ZPBP: variants seen among roughly 807,000 people sequenced by gnomAD.
ZPBP encodes the protein zona pellucida binding protein.
In ZPBP, 26 loss-of-function variants were observed where a neutral mutation model predicts 44.8. That is an observed-to-expected ratio of 0.58 (90% CI 0.43 to 0.81). The LOEUF is 0.81. ZPBP is among the 30% of genes least tolerant of loss of function. The pLI is 0.00. For synonymous variants in ZPBP, 174 were observed against 153.2 expected, an observed-to-expected ratio of 1.14 and a Z score of -1.00; for missense variants, 409 against 434.0, an observed-to-expected ratio of 0.94 and a Z score of 0.51.
rs369539970 is a variant in ZPBP, at chr7:49,985,734, C to A, written c.784-2215G>T. On this transcript the variant is annotated intron_variant, in intron 6 of 7. Transcript: ENST00000046087. Reference sequence around the variant, plus strand: ...AGATAAGGGAGGATCCCTGGAGAATCCCCAACCCGCCCCACAAGTGTTTAC... The same window carrying A: ...AGATAAGGGAGGATCCCTGGAGAATACCCAACCCGCCCCACAAGTGTTTAC... 3.3e-5 allele frequency among the ~76,000 whole-genome samples: 5 copies of A among 152,110 alleles called. No individual in the cohort carries two copies. In the East Asian group the frequency reaches 5.8e-4, roughly 18 times the overall value.
At chr7:50,070,201 C>T (rs1801764258) in intron 3 of ZPBP, among the ~76,000 whole-genome samples, 1 of 152,150 alleles carries the variant, frequency 6.6e-6, no homozygotes, top group Non-Finnish European at 1.5e-5. Context: ...TCCAGTGAAC[C>T]ACTTTCACTT....
downstream of ZPBP, chr7:49,935,705 C>T (rs1205708817): frequency 2.6e-5 from 4 of 152,262 alleles, no homozygotes; most frequent in Non-Finnish European, 4.4e-5. Flanking sequence ...CCCTTTGCAT[C>T]AATTTCTACA....
intron 7 of ZPBP, among the ~76,000 whole-genome samples, chr7:49,973,291 A>G (rs1368581607): frequency 1.3e-5 from 2 of 151,578 alleles, no homozygotes; most frequent in South Asian, 2.1e-4. Flanking sequence ...GAATTTGGCA[A>G]TTACTGCTTG....
At chr7:50,061,924 A>T (rs1424031479) in intron 3 of ZPBP, among the ~76,000 whole-genome samples, 1 of 152,150 alleles carries the variant, frequency 6.6e-6, no homozygotes, top group Non-Finnish European at 1.5e-5. Flanking sequence ...CAAACAAAAA[A>T]ACACTGTTTC....
chr7:49,950,123 G>C (rs943459165), intron 7 of ZPBP, among the ~76,000 whole-genome samples: 1 of 151,788 alleles, frequency 6.6e-6, no homozygotes, highest in African/African-American at 2.4e-5. Flanking sequence ...TAAAACAGAT[G>C]TGCACCCTGA....
At chr7:49,974,460 T>C (rs1288490250) in intron 7 of ZPBP, among the ~76,000 whole-genome samples, 1 of 152,184 alleles carries the variant, frequency 6.6e-6, no homozygotes, top group Non-Finnish European at 1.5e-5. Flanking sequence ...GTACAAATTT[T>C]ACTTTACAGA....
intron 7 of ZPBP, among the ~76,000 whole-genome samples, chr7:49,981,576 TA>T (rs577844213): frequency 0.035 from 1,037 of 29,960 alleles, 149 homozygotes; most frequent in East Asian, 0.16. Context: ...TATAATTATA[TA>T]AATTATATAT....
In ZPBP at chr7:50,081,762, AC is replaced by A; in HGVS notation, c.334+11del. 2 of 1,610,492 alleles carry A rather than the reference AC, an allele frequency of 1.2e-6. No homozygotes were observed. The highest frequency in any genetic ancestry group is 1.7e-6 in the Non-Finnish European group (2 of 1,177,698). On this transcript the variant is annotated intron_variant, in intron 3 of 7. Coordinates refer to ENST00000046087, the MANE Select transcript of ZPBP (RefSeq NM_007009.3). Reference sequence around the variant, plus strand: ...CATTTATTTAATTACAATAATTGAAACAAAATCCTACCTGAAACAACTTTTC... The same window carrying A: ...CATTTATTTAATTACAATAATTGAAAAAAATCCTACCTGAAACAACTTTTC...
intron 3 of ZPBP, among the ~76,000 whole-genome samples, chr7:50,068,016 G>C (rs1173890448): frequency 6.6e-6 from 1 of 152,168 alleles, no homozygotes; most frequent in Non-Finnish European, 1.5e-5. Flanking sequence ...AAGAAGAAAA[G>C]CTTAGTTAGT....
rs558941243 is a variant in ZPBP, at chr7:49,980,462, G to A, written c.961+2880C>T. On this transcript the variant is annotated intron_variant, in intron 7 of 7. Transcript: ENST00000046087. ...TGCCATAAGAGGATATTTAAGCCTG[G>A]ATAGTTTATAAAGGAAAAACGTTTA... 2.6e-5 allele frequency among the ~76,000 whole-genome samples: 4 copies of A among 150,978 alleles called. No individual in the cohort carries two copies. The East Asian group carries it at 5.8e-4, about 22-fold the overall frequency.
intron 2 of ZPBP, among the ~76,000 whole-genome samples, chr7:49,864,342 T>G (rs1790792859): frequency 1.3e-5 from 2 of 152,192 alleles, no homozygotes; most frequent in South Asian, 4.1e-4. Flanking sequence ...CCTTCACCCC[T>G]TAACTGGATT....
chr7:50,003,270 A>T (rs1254286951), intron 6 of ZPBP, among the ~76,000 whole-genome samples: 1 of 152,194 alleles, frequency 6.6e-6, no homozygotes, highest in African/African-American at 2.4e-5. Flanking sequence ...CCCTGAATAA[A>T]CAATAATATA....
At chr7:49,981,320 A>T (rs1463494168) in intron 7 of ZPBP, among the ~76,000 whole-genome samples, 1 of 44,516 alleles carries the variant, frequency 2.2e-5, no homozygotes, top group African/African-American at 5.7e-5. Flanking sequence ...TATATTATAT[A>T]ATATATATTA....
chr7:49,999,988 A>T (rs546084674), intron 6 of ZPBP, among the ~76,000 whole-genome samples: 3 of 152,228 alleles, frequency 2.0e-5, no homozygotes, highest in East Asian at 3.9e-4. Context: ...CACAGAGGAA[A>T]TTAGTTGTTT....
intron 5 of ZPBP, among the ~76,000 whole-genome samples, chr7:50,028,089 C>CCGAAAATT (rs1412348910): frequency 8.1e-6 from 1 of 124,130 alleles, no homozygotes; most frequent in East Asian, 2.2e-4. Flanking sequence ...ACACCAATGC[C>CCGAAAATT]AGAAAATTAT....
At chr7:49,907,419 T>G (rs1425904622) in intron 1 of ZPBP, among the ~76,000 whole-genome samples, 2 of 152,174 alleles carry the variant, frequency 1.3e-5, no homozygotes, top group African/African-American at 2.4e-5. Context: ...TTACTAGGAA[T>G]GACATTTGCA....
chr7:50,091,388 G>A (rs1802985551), intron 1 of ZPBP, among the ~76,000 whole-genome samples: 1 of 152,078 alleles, frequency 6.6e-6, no homozygotes. Context: ...TGGGTTCTTG[G>A]ACATGAAATC....
At chr7:50,021,837 C>T (rs758578041) in intron 5 of ZPBP, among the ~76,000 whole-genome samples, 85 of 152,230 alleles carry the variant, frequency 5.6e-4, no homozygotes, top group Admixed American at 4.6e-4. Flanking sequence ...TTGCCCTGTG[C>T]ATCTTTTCCA....
chr7:49,937,603 T>A lies in ZPBP; in HGVS notation c.981A>T (p.Ser327=). 1 of 1,613,874 alleles carries A rather than the reference T, an allele frequency of 6.2e-7. No homozygotes were observed. The highest frequency in any genetic ancestry group is 8.5e-7 in the Non-Finnish European group (1 of 1,179,806). ...AATGAATTCCATCACGGGGGTTATATGATCCAGGGCTGCAGATCACTGTGA... is the reference window on the plus strand; with the variant it reads ...AATGAATTCCATCACGGGGGTTATAAGATCCAGGGCTGCAGATCACTGTGA... ...PECCVICSPG[S]YNPRDGIHCL... Residue 327 remains serine, a synonymous_variant, in exon 8 of 8, where the codon TCA becomes TCT. Coordinates refer to ENST00000046087, the MANE Select transcript of ZPBP (RefSeq NM_007009.3).
Sources: gnomAD v4.1 joint callset for allele counts (sites outside exome capture counted in the v4.1 genomes callset) on GRCh38, gnomAD v4.1.1 for gene constraint, MANE v1.5 for transcripts, NCBI Gene and HGNC (gene_info 2026-07-23, HGNC 2026-07-21) for gene names.